WDFY2: variants seen among roughly 807,000 people sequenced by gnomAD.
The protein encoded by WDFY2 is WD repeat and FYVE domain-containing protein 2.
A neutral mutation model predicts 56.4 loss-of-function variants in WDFY2; 36 were observed. The observed-to-expected ratio is 0.64, with a 90% CI of 0.49 to 0.84. The LOEUF (loss-of-function observed/expected upper bound fraction) is 0.84, where lower values mean the gene tolerates loss of function less well. Ranked by LOEUF, WDFY2 falls within the 40% of genes least tolerant of loss-of-function variation. WDFY2 has a pLI of 0.00. For missense variants in WDFY2, 444 were observed against 512.2 expected, an observed-to-expected ratio of 0.87 and a Z score of 1.29; for synonymous variants, 176 against 183.7, an observed-to-expected ratio of 0.96 and a Z score of 0.34.
chr13:51,647,233 T>C (rs1469913090), intron 1 of WDFY2, among the ~76,000 whole-genome samples: 1 of 152,162 alleles, frequency 6.6e-6, no homozygotes, highest in East Asian at 1.9e-4. Context: ...CTGAGACATA[T>C]GTCATTAGGC....
At chr13:51,675,925 A>T (rs1296272540) in intron 3 of WDFY2, among the ~76,000 whole-genome samples, 3 of 152,212 alleles carry the variant, frequency 2.0e-5, no homozygotes, top group Non-Finnish European at 4.4e-5. Context: ...TAATAACAAG[A>T]CTGATCTAGT....
At position 51,762,079 on chromosome 13, in the gene WDFY2, GT is replaced by G. The variant is rs1196571343; in HGVS notation, c.*2312del. 6.6e-6 allele frequency: 1 copy of G among 152,186 alleles called. No individual in the cohort carries two copies. Among genetic ancestry groups the G allele is most frequent in the African/African-American group, 2.4e-5 (1 of 41,436 alleles). 9.4% of individuals were successfully genotyped at this position (152,186 alleles called of 1,614,324 possible). On this transcript the variant is annotated 3_prime_UTR_variant, in exon 12 of 12. Coordinates refer to ENST00000298125, the MANE Select transcript of WDFY2 (RefSeq NM_052950.4). Reference sequence around the variant, plus strand: ...ACTAGAAGCTGCAGCCACTTACTAAGTTGTATGTAATATAGGACTGTGTGTT... The same window carrying G: ...ACTAGAAGCTGCAGCCACTTACTAAGTGTATGTAATATAGGACTGTGTGTT...
intron 1 of WDFY2, among the ~76,000 whole-genome samples, chr13:51,601,821 A>G (rs1954289439): frequency 6.6e-6 from 1 of 152,186 alleles, no homozygotes; most frequent in Non-Finnish European, 1.5e-5. Flanking sequence ...GGCGCTCTGG[A>G]AGAAGATGCA....
At chr13:51,720,942 T>TTC (rs71749521) in intron 5 of WDFY2, among the ~76,000 whole-genome samples, 10,613 of 147,888 alleles carry the variant, frequency 0.072, 380 homozygotes, top group Middle Eastern at 0.1. Flanking sequence ...TCATTCTGTC[T>TTC]TCTCTCTCTC....
intron 4 of WDFY2, among the ~76,000 whole-genome samples, chr13:51,707,939 C>CTTTTT (rs56054205): frequency 0.022 from 1,246 of 57,576 alleles, 243 homozygotes; most frequent in African/African-American, 0.048. Context: ...CCTAAAACAA[C>CTTTTT]TTTTTTTTTT....
intron 1 of WDFY2, among the ~76,000 whole-genome samples, chr13:51,614,821 G>T (rs1223518688): frequency 6.6e-6 from 1 of 152,160 alleles, no homozygotes; most frequent in Non-Finnish European, 1.5e-5. Context: ...ATTTTAAAAA[G>T]AATTATGTGT....
intron 7 of WDFY2, among the ~76,000 whole-genome samples, chr13:51,749,790 A>T (rs953749982): frequency 6.6e-6 from 1 of 152,190 alleles, no homozygotes; most frequent in African/African-American, 2.4e-5. Context: ...TGATTAGCTC[A>T]GGTTAACATT....
intron 4 of WDFY2, among the ~76,000 whole-genome samples, chr13:51,714,047 A>G (rs569183229): frequency 6.6e-6 from 1 of 152,176 alleles, no homozygotes; most frequent in East Asian, 1.9e-4. Context: ...GGTGATGGTT[A>G]TACAACAGTG....
At chr13:51,641,095 C>T (rs532305327) in intron 1 of WDFY2, among the ~76,000 whole-genome samples, 7 of 152,092 alleles carry the variant, frequency 4.6e-5, no homozygotes, top group South Asian at 2.1e-4. Flanking sequence ...TATTTAGAGA[C>T]GGAGTCTCAC....
At chr13:51,669,522 T>C (rs1005222226) in intron 2 of WDFY2, among the ~76,000 whole-genome samples, 5 of 152,310 alleles carry the variant, frequency 3.3e-5, no homozygotes, top group African/African-American at 1.2e-4. Context: ...GCTTCCTAAA[T>C]TTTTTCTAGT....
At chr13:51,759,114 G>A (rs1222171755) in intron 11 of WDFY2, among the ~76,000 whole-genome samples, 6 of 152,214 alleles carry the variant, frequency 3.9e-5, no homozygotes, top group East Asian at 1.9e-4. Context: ...CCAGTAAGTC[G>A]AGGCTGCAGT....
chr13:51,727,840 G>A (rs377353466), intron 6 of WDFY2, 50 bp downstream of exon 6: 24 of 1,531,668 alleles, frequency 1.6e-5, no homozygotes, highest in East Asian at 4.5e-5. Flanking sequence ...GTGAGATATC[G>A]CCTGCTGCAT....
chr13:51,649,985 T>A (rs1280129755), intron 1 of WDFY2, among the ~76,000 whole-genome samples: 3 of 152,098 alleles, frequency 2.0e-5, no homozygotes, highest in Non-Finnish European at 4.4e-5. Context: ...GGGGATGGCA[T>A]TGAATCTATA....
intron 1 of WDFY2, chr13:51,594,294 A>G (rs1954105112): frequency 6.6e-6 from 1 of 151,966 alleles, no homozygotes; most frequent in Non-Finnish European, 1.5e-5. Context: ...ACTGATACTC[A>G]TTTTTCTTTC....
At chr13:51,669,640 A>AT (rs559747989) in intron 2 of WDFY2, among the ~76,000 whole-genome samples, 71 of 152,270 alleles carry the variant, frequency 4.7e-4, no homozygotes, top group South Asian at 2.7e-3. Flanking sequence ...AACTGTAATC[A>AT]TTTTTTTCCC....
At chr13:51,719,176 T>C in intron 4 of WDFY2, 22 bp from the exon 5 acceptor site, 1 of 1,614,110 alleles carries the variant, frequency 6.2e-7, no homozygotes, top group Non-Finnish European at 8.5e-7. Context: ...TATAGGTTGT[T>C]TTCTTTTCTC....
At chr13:51,657,135 C>T (rs1490949236) in intron 1 of WDFY2, among the ~76,000 whole-genome samples, 1 of 151,866 alleles carries the variant, frequency 6.6e-6, no homozygotes, top group Non-Finnish European at 1.5e-5. Flanking sequence ...CTTCTGTATA[C>T]CTAAATTTAT....
chr13:51,694,686 C>A (rs1312702071), intron 3 of WDFY2, among the ~76,000 whole-genome samples: 2 of 152,096 alleles, frequency 1.3e-5, no homozygotes, highest in Non-Finnish European at 2.9e-5. Context: ...TGAGGAGTAT[C>A]TTTGTGGCGT....
At chr13:51,647,467 T>C (rs1178056976) in intron 1 of WDFY2, among the ~76,000 whole-genome samples, 3 of 152,150 alleles carry the variant, frequency 2.0e-5, no homozygotes, top group African/African-American at 7.2e-5. Flanking sequence ...ATTAGAATCT[T>C]AGGGGGACTA....
Sources: allele counts gnomAD v4.1 joint callset (sites outside exome capture counted in the v4.1 genomes callset), GRCh38; gene constraint gnomAD v4.1.1; transcripts MANE v1.5; gene names NCBI Gene and HGNC (gene_info 2026-07-23, HGNC 2026-07-21).